SIRT5: variants seen among roughly 807,000 people sequenced by gnomAD.
SIRT5 encodes the protein NAD-dependent protein deacylase sirtuin-5, mitochondrial.
A neutral mutation model predicts 40.0 loss-of-function variants in SIRT5; 26 were observed. That is an observed-to-expected ratio of 0.65 (90% CI 0.48 to 0.90). SIRT5 has a LOEUF of 0.90. SIRT5 is among the 40% of genes least tolerant of loss of function. The pLI is 0.00. For missense variants in SIRT5, 401 were observed against 402.4 expected (o/e 1.00, Z 0.03); for synonymous variants, 146 against 149.1 (o/e 0.98, Z 0.15).
intron 5 of SIRT5, among the ~76,000 whole-genome samples, chr6:13,592,913 TAA>T (rs370187047): frequency 5.1e-5 from 4 of 77,850 alleles, no homozygotes; most frequent in East Asian, 2.6e-4. Context: ...TAATTTAATT[TAA>T]TTTTTTTTTT....
At chr6:13,577,773 A>AG (rs1338340587) in intron 1 of SIRT5, among the ~76,000 whole-genome samples, 4 of 150,504 alleles carry the variant, frequency 2.7e-5, no homozygotes, top group Non-Finnish European at 5.9e-5. Context: ...AAACATATAT[A>AG]GAAAAATTCT....
At chr6:13,575,850 T>G (rs1758559284) in intron 1 of SIRT5, among the ~76,000 whole-genome samples, 1 of 152,226 alleles carries the variant, frequency 6.6e-6, no homozygotes, top group African/African-American at 2.4e-5. Context: ...CATTCTACTC[T>G]GCTTCTATGA....
intron 9 of SIRT5, among the ~76,000 whole-genome samples, chr6:13,611,304 C>T (rs7764556): frequency 2.1e-5 from 3 of 144,508 alleles, no homozygotes; most frequent in African/African-American, 5.1e-5. Context: ...TGTATTGTGT[C>T]TATATATAAC....
chr6:13,601,014 A>ATGTT, intron 9 of SIRT5, 65 bp downstream of exon 9: 12 of 1,198,044 alleles, frequency 1.0e-5, no homozygotes, highest in Non-Finnish European at 1.3e-5. Flanking sequence ...TCATCTAAAC[A>ATGTT]TAGTTGACCT....
intron 9 of SIRT5, 48 bp downstream of exon 9, chr6:13,600,997 G>T: frequency 7.1e-7 from 1 of 1,418,158 alleles, no homozygotes; most frequent in Non-Finnish European, 9.9e-7. Flanking sequence ...GGCAGGTACA[G>T]ACATGGTCAT....
intron 3 of SIRT5, among the ~76,000 whole-genome samples, chr6:13,585,695 A>G (rs1425204957): frequency 6.6e-6 from 1 of 152,194 alleles, no homozygotes; most frequent in Non-Finnish European, 1.5e-5. Flanking sequence ...TAGTGCCGCA[A>G]TAAACATACG....
intron 7 of SIRT5, among the ~76,000 whole-genome samples, chr6:13,597,667 TC>T (rs1761767358): frequency 6.6e-6 from 1 of 152,064 alleles, no homozygotes; most frequent in Non-Finnish European, 1.5e-5. Context: ...TGCCTCAGCC[TC>T]CCGAGTAGCT....
At chr6:13,600,982 T>C in intron 9 of SIRT5, 33 bp downstream of exon 9, 1 of 1,531,028 alleles carries the variant, frequency 6.5e-7, no homozygotes, top group South Asian at 1.1e-5. Flanking sequence ...GAGGGAGATG[T>C]GGGAGGCAGG....
chr6:13,581,791 A>G (rs374368948), intron 2 of SIRT5, among the ~76,000 whole-genome samples: 35 of 152,278 alleles, frequency 2.3e-4, no homozygotes, highest in African/African-American at 8.2e-4. Flanking sequence ...TGTGACCACA[A>G]TGGGTCAGGA....
At chr6:13,575,062 AG>A (rs1758416836) in intron 1 of SIRT5, among the ~76,000 whole-genome samples, 1 of 152,138 alleles carries the variant, frequency 6.6e-6, no homozygotes, top group Non-Finnish European at 1.5e-5. Flanking sequence ...GGGAAGGCTC[AG>A]GGCCTAGTCC....
At chr6:13,605,062 A>G in intron 9 of SIRT5, 2 of 986,354 alleles carry the variant, frequency 2.0e-6, no homozygotes, top group Non-Finnish European at 2.4e-6. Flanking sequence ...TTTCAAAGGC[A>G]GAAACCAACC....
intron 9 of SIRT5, among the ~76,000 whole-genome samples, chr6:13,611,236 T>TATAC (rs1349879809): frequency 2.5e-4 from 23 of 92,936 alleles, no homozygotes; most frequent in East Asian, 1.2e-3. Context: ...TATATATATA[T>TATAC]ACACACACAC....
In SIRT5 at chr6:13,591,886, A is replaced by C; in HGVS notation, c.467A>C (p.Glu156Ala). 6.2e-7 allele frequency: 1 copy of C among 1,612,262 alleles called. No individual in the cohort carries two copies. The highest frequency in any genetic ancestry group is 8.5e-7 in the Non-Finnish European group (1 of 1,178,462). The change falls in exon 5 of 10, where the codon GAG becomes GCG. Residue 156 changes from glutamate to alanine, a missense_variant. By Grantham distance (107) the Glu-to-Ala change is moderately radical. Coordinates refer to ENST00000606117, the MANE Select transcript of SIRT5 (RefSeq NM_012241.5). ...HRKAGTKNLL[E>A]IHGSLFKTRC... ...AAGGCTGGCACCAAGAACCTTCTGG[A>C]GATCCATGGTGAGAGACCCCCAGCC...
At chr6:13,583,103 G>T (rs1415437113) in intron 2 of SIRT5, among the ~76,000 whole-genome samples, 1 of 152,082 alleles carries the variant, frequency 6.6e-6, no homozygotes, top group Non-Finnish European at 1.5e-5. Context: ...CTACTGGGGA[G>T]GATGGGGTGG....
At chr6:13,592,550 C>T (rs1344859239) in intron 5 of SIRT5, among the ~76,000 whole-genome samples, 1 of 152,060 alleles carries the variant, frequency 6.6e-6, no homozygotes, top group Non-Finnish European at 1.5e-5. Context: ...GCCCACCAAG[C>T]CTGTGATGTC....
In SIRT5 at chr6:13,600,839, C is replaced by T. The variant is rs749495270; in HGVS notation, c.747C>T (p.Gly249=). Residue 249 remains glycine (G), a synonymous_variant, in exon 9 of 10, where the codon GGC becomes GGT. Transcript: ENST00000606117. ...TCCGTGTACTTGCCTTGTAGGTGGG[C>T]ACTTCCTCTGTGGTGTACCCAGCAG... ...LAHCDLCLVV[G]TSSVVYPAAM... 3.1e-6 allele frequency: 5 copies of T among 1,610,678 alleles called. 1 individual carries two copies. In the South Asian group the frequency reaches 5.5e-5, roughly 18 times the overall value.
At chr6:13,597,045 T>C in intron 7 of SIRT5, 29 bp downstream of exon 7, 1 of 1,556,996 alleles carries the variant, frequency 6.4e-7, no homozygotes. Flanking sequence ...TTTGTACTGG[T>C]GTTCCAGGTT....
At chr6:13,601,596 A>T (rs574470199) in intron 9 of SIRT5, among the ~76,000 whole-genome samples, 3 of 152,292 alleles carry the variant, frequency 2.0e-5, no homozygotes, top group South Asian at 2.1e-4. Flanking sequence ...ATAAATAAGT[A>T]GTAAATTAAT....
intron 8 of SIRT5, among the ~76,000 whole-genome samples, chr6:13,599,889 TTC>T (rs1356151412): frequency 5.9e-5 from 9 of 152,354 alleles, no homozygotes; most frequent in Non-Finnish European, 8.8e-5. Flanking sequence ...ATGACATATG[TTC>T]TGTTTTGAAA....
Sources: allele counts gnomAD v4.1 joint callset (sites outside exome capture counted in the v4.1 genomes callset), GRCh38; gene constraint gnomAD v4.1.1; transcripts MANE v1.5; gene names NCBI Gene and HGNC (gene_info 2026-07-23, HGNC 2026-07-21).